Variants in KSR1 observed in about 807,000 individuals in gnomAD.
KSR1 encodes the protein kinase suppressor of ras.
Under a neutral mutation model 92.9 loss-of-function variants are expected in KSR1, and 35 were observed. The observed-to-expected ratio is 0.38, with a 90% CI of 0.29 to 0.50. The LOEUF is 0.50. Among genes scored for constraint, KSR1 ranks in the 20% least tolerant of loss-of-function variants. The probability of loss-of-function intolerance (pLI) is 0.94; values close to 1 mark genes in which losing one functional copy is unlikely to be tolerated. For synonymous variants in KSR1, 467 were observed against 472.6 expected (o/e 0.99, Z 0.15); for missense variants, 972 against 1,158.5 (o/e 0.84, Z 2.34).
At chr17:27,588,625 G>A (rs970270617) in intron 6 of KSR1, 90 bp downstream of exon 6, 4 of 1,210,962 alleles carry the variant, frequency 3.3e-6, no homozygotes, top group African/African-American at 1.5e-5. Flanking sequence ...TTCTCAGCGA[G>A]CTCTTTGCCT....
intron 17 of KSR1, among the ~76,000 whole-genome samples, chr17:27,611,007 C>T (rs559686958): frequency 7.9e-5 from 12 of 152,282 alleles, no homozygotes; most frequent in South Asian, 2.1e-4. Flanking sequence ...CTCACCACCC[C>T]GGTCACCTGT....
chr17:27,566,698 G>A (rs1364500564), intron 2 of KSR1: 1 of 396,894 alleles, frequency 2.5e-6, no homozygotes, highest in Non-Finnish European at 4.4e-6. Context: ...ATCGCATGTT[G>A]GGGCAGAAGG....
At chr17:27,491,765 C>G (rs1189059466) in intron 1 of KSR1, among the ~76,000 whole-genome samples, 1 of 152,126 alleles carries the variant, frequency 6.6e-6, no homozygotes, top group Non-Finnish European at 1.5e-5. Context: ...TCGCCCAGGT[C>G]TGTGTGGGGA....
At chr17:27,483,215 G>A (rs924493155) in intron 1 of KSR1, among the ~76,000 whole-genome samples, 6 of 152,156 alleles carry the variant, frequency 3.9e-5, no homozygotes, top group Non-Finnish European at 8.8e-5. Flanking sequence ...GTTTTTTGAA[G>A]TGAAATTATG....
At chr17:27,574,628 C>T (rs2072435830) in intron 2 of KSR1, among the ~76,000 whole-genome samples, 2 of 152,180 alleles carry the variant, frequency 1.3e-5, no homozygotes, top group Non-Finnish European at 1.5e-5. Context: ...TGGGTTGGGC[C>T]TCATACCTTC....
Position 27,623,444 on chromosome 17 carries a change from T to C in KSR1, c.*52T>C. The C allele has an allele frequency of 1.4e-6, 1 of 730,468 alleles. No homozygotes were observed. The highest frequency in any genetic ancestry group is 2.5e-6 in the Non-Finnish European group (1 of 399,128). 45.2% of individuals were successfully genotyped at this position (730,468 alleles called of 1,614,324 possible). A position where few individuals can be genotyped will look rare whatever the true frequency, so the allele number is the denominator to read the frequency against. ...TCTCTTTCTTTTTAAAATGTGTTTC[T>C]GAAACATCCCAACAACCACCACGAC... On this transcript the variant is annotated 3_prime_UTR_variant, in exon 21 of 21. Transcript: ENST00000644974.
At position 27,607,908 on chromosome 17, in the gene KSR1, C is replaced by T. The variant is rs762229313; in HGVS notation, c.1995-6C>T. 8.8e-6 allele frequency: 14 copies of T among 1,597,324 alleles called. No homozygotes were observed. Among genetic ancestry groups the T allele is most frequent in the South Asian group, 4.5e-5 (4 of 88,224 alleles). ...ACTTGTGCTTGACCCCCACCACCCTCGACAGCTTCTGCAAGGGGCGGACGT... is the reference window on the plus strand; with the variant it reads ...ACTTGTGCTTGACCCCCACCACCCTTGACAGCTTCTGCAAGGGGCGGACGT... On this transcript the variant is annotated splice_polypyrimidine_tract_variant and splice_region_variant and intron_variant, in intron 14 of 20. Coordinates refer to ENST00000644974, the MANE Select transcript of KSR1 (RefSeq NM_001394583.1).
chr17:27,598,798 G>C (rs543833273), intron 10 of KSR1, among the ~76,000 whole-genome samples: 1 of 152,262 alleles, frequency 6.6e-6, no homozygotes, highest in Admixed American at 6.5e-5. Flanking sequence ...CTGCACAGAG[G>C]CCTCACTCTC....
intron 1 of KSR1, among the ~76,000 whole-genome samples, chr17:27,504,101 C>T (rs371555186): frequency 3.3e-5 from 5 of 152,140 alleles, no homozygotes; most frequent in South Asian, 4.1e-4. Context: ...TGCTTGGCCC[C>T]GTGGGAAGTA....
chr17:27,600,638 A>G (rs1182427947), intron 10 of KSR1, among the ~76,000 whole-genome samples: 1 of 152,182 alleles, frequency 6.6e-6, no homozygotes, highest in African/African-American at 2.4e-5. Flanking sequence ...CACGTGAGGA[A>G]TGCATGGTGC....
intron 6 of KSR1, among the ~76,000 whole-genome samples, chr17:27,589,318 C>G (rs547231507): frequency 1.3e-5 from 2 of 152,310 alleles, no homozygotes; most frequent in Non-Finnish European, 2.9e-5. Flanking sequence ...CCCCCAGAGT[C>G]TGTTCTCTTT....
chr17:27,466,545 A>G (rs1185264263), intron 1 of KSR1, among the ~76,000 whole-genome samples: 1 of 152,162 alleles, frequency 6.6e-6, no homozygotes, highest in African/African-American at 2.4e-5. Flanking sequence ...CTCAGTGTCT[A>G]CCAGGAACCT....
chr17:27,491,033 A>T (rs2068806292), intron 1 of KSR1, among the ~76,000 whole-genome samples: 1 of 152,174 alleles, frequency 6.6e-6, no homozygotes, highest in Non-Finnish European at 1.5e-5. Context: ...TCTTTTAAAA[A>T]ACCATATGTA....
chr17:27,477,412 C>T (rs1283174974), intron 1 of KSR1, among the ~76,000 whole-genome samples: 1 of 152,186 alleles, frequency 6.6e-6, no homozygotes, highest in African/African-American at 2.4e-5. Context: ...GTTCTTACCT[C>T]CTATTATACA....
Position 27,582,864 on chromosome 17 carries a change from C to G in KSR1, c.739C>G (p.Leu247Val). ...DSPTPSFSEG[L>V]SDTCIPLHAS... ...CCCCACCCCCAGCTTCAGTGAGGGC[C>G]TCTCAGACACCTGTATTCCCCTGCA... Residue 247 changes from leucine to valine, a missense_variant, in exon 4 of 21, where the codon CTC becomes GTC. This residue lies in a region of KSR1 where 611 missense variants were observed against 668.0 expected (regional missense o/e 0.91). Transcript: ENST00000644974. The G allele has an allele frequency of 6.2e-7, 1 of 1,613,448 alleles. No individual in the cohort carries two copies. The highest frequency in any genetic ancestry group is 1.6e-4 in the Middle Eastern group (1 of 6,062).
At chr17:27,616,778 A>G (rs1220788527) in intron 18 of KSR1, among the ~76,000 whole-genome samples, 1 of 152,206 alleles carries the variant, frequency 6.6e-6, no homozygotes, top group Non-Finnish European at 1.5e-5. Flanking sequence ...ATGCCACAGC[A>G]AGAAGGGCTT....
chr17:27,552,536 ACC>A (rs915669719), intron 2 of KSR1, among the ~76,000 whole-genome samples: 1 of 151,166 alleles, frequency 6.6e-6, no homozygotes, highest in Non-Finnish European at 1.5e-5. Context: ...GCCCCAAAGA[ACC>A]CCCTTCCCAG....
chr17:27,513,783 G>A (rs1005387581), intron 1 of KSR1, among the ~76,000 whole-genome samples: 3 of 152,236 alleles, frequency 2.0e-5, no homozygotes, highest in African/African-American at 7.2e-5. Flanking sequence ...GTTGCATGTA[G>A]CCAGTGTCGG....
At chr17:27,506,772 G>T (rs1040864494) in intron 1 of KSR1, among the ~76,000 whole-genome samples, 4 of 150,492 alleles carry the variant, frequency 2.7e-5, no homozygotes, top group Non-Finnish European at 5.9e-5. Flanking sequence ...GGTGTCATGA[G>T]TCATGGAAAC....
Sources: allele counts gnomAD v4.1 joint callset (sites outside exome capture counted in the v4.1 genomes callset), GRCh38; gene constraint gnomAD v4.1.1; regional missense constraint gnomAD v4.1.1; transcripts MANE v1.5; gene names NCBI Gene and HGNC (gene_info 2026-07-23, HGNC 2026-07-21).